The following KIAA0040 variants were observed in gnomAD, a reference collection of about 807,000 sequenced individuals.
KIAA0040 encodes the protein uncharacterized protein KIAA0040.
KIAA0040 carries 10 observed loss-of-function variants against 7.2 expected under a neutral mutation model. The observed-to-expected ratio is 1.38, with a 90% confidence interval of 0.85 to 2.34. The LOEUF (loss-of-function observed/expected upper bound fraction) is 2.34. Ranked by LOEUF, KIAA0040 falls within the 30% of genes most tolerant of loss-of-function variation. The pLI is 0.00. For synonymous variants in KIAA0040, 49 were observed against 40.1 expected (o/e 1.22, Z -0.84); for missense variants, 89 against 108.2 (o/e 0.82, Z 0.79).
At chr1:175,192,817 G>GCCCCCCCCCCC (rs1558405268), upstream of KIAA0040, 36 of 123,512 alleles carry the variant, frequency 2.9e-4, no homozygotes, top group South Asian at 5.6e-4. Context: ...CGTGGGAGCC[G>GCCCCCCCCCCC]CCCGCCCCGC....
At chr1:175,188,350 G>T (rs990139454) in intron 1 of KIAA0040, among the ~76,000 whole-genome samples, 2 of 152,192 alleles carry the variant, frequency 1.3e-5, no homozygotes, top group Non-Finnish European at 2.9e-5. Context: ...TGGCGGAAAA[G>T]CTAGAAACCT....
rs1676304029 is a variant in KIAA0040 at position 175,157,155 on chromosome 1, C to T, written c.*3559G>A. The stretch of plus-strand genomic sequence containing the variant: ...TAGAGGTTTTTGATCCCTCCTTTCC[C>T]AACAAACACTGGATTTAACTCAAAG... On this transcript the variant is annotated 3_prime_UTR_variant, in exon 4 of 4. Coordinates refer to ENST00000423313, the MANE Select transcript of KIAA0040 (RefSeq NM_014656.3). 1 of 152,170 alleles carries T rather than the reference C, an allele frequency of 6.6e-6. No individual in the cohort carries two copies. Among genetic ancestry groups the T allele is most frequent in the African/African-American group, 2.4e-5 (1 of 41,416 alleles). The allele number at this position is 152,170 out of a possible 1,614,324, so 9.4% of individuals were successfully genotyped here. A position where few individuals can be genotyped will look rare whatever the true frequency, so the allele number is the denominator to read the frequency against.
chr1:175,190,346 A>G lies in KIAA0040; in HGVS notation c.-384+2294T>C, dbSNP rs1335349238. 3.3e-5 allele frequency among the ~76,000 whole-genome samples: 5 copies of G among 152,342 alleles called. No homozygotes were observed. In the East Asian group the frequency reaches 9.6e-4, roughly 29 times the overall value. ...GACAAATACAAGACTCTTCAGCACC[A>G]ATGTGGTGCTACCACAGGCCTCTTT... On this transcript the variant is annotated intron_variant, in intron 1 of 3. Transcript: ENST00000423313.
intron 1 of KIAA0040, among the ~76,000 whole-genome samples, chr1:175,178,354 G>T (rs567692340): frequency 6.6e-6 from 1 of 152,332 alleles, no homozygotes; most frequent in South Asian, 2.1e-4. Flanking sequence ...GGCCTCTGGG[G>T]CTGGGAAGAG....
chr1:175,161,000 C>T lies in KIAA0040; in HGVS notation c.14G>A (p.Ser5Asn). 6.4e-7 allele frequency: 1 copy of T among 1,550,768 alleles called. No individual in the cohort carries two copies. The highest frequency in any genetic ancestry group is 1.4e-5 in the African/African-American group (1 of 73,128). The change falls in exon 4 of 4, where the codon AGT becomes AAT. Residue 5 changes from serine to asparagine, a missense_variant. Ser to Asn is a conservative substitution (Grantham distance 46). Transcript: ENST00000423313. MERI[S>N]AFFSSIWDTI... ...GTCCCAGATAGAGCTGAAGAAGGCACTGATTCTCTCCATGGTGCTTGGCTA... is the reference window on the plus strand; with the variant it reads ...GTCCCAGATAGAGCTGAAGAAGGCATTGATTCTCTCCATGGTGCTTGGCTA...
intron 2 of KIAA0040, among the ~76,000 whole-genome samples, chr1:175,175,221 C>A (rs911148741): frequency 6.6e-6 from 1 of 152,198 alleles, no homozygotes. Context: ...GTCTCCCACA[C>A]AGGTAGTAAT....
intron 3 of KIAA0040, among the ~76,000 whole-genome samples, chr1:175,165,352 A>G (rs1255538025): frequency 6.6e-6 from 1 of 152,248 alleles, no homozygotes; most frequent in Non-Finnish European, 1.5e-5. Context: ...ATGATTCAAT[A>G]TATTTAATGC....
chr1:175,176,015 A>C (rs568098589), intron 2 of KIAA0040, among the ~76,000 whole-genome samples: 1 of 152,370 alleles, frequency 6.6e-6, no homozygotes, highest in Non-Finnish European at 1.5e-5. Context: ...CCTAGAACTT[A>C]AAGTATAATA....
intron 2 of KIAA0040, among the ~76,000 whole-genome samples, chr1:175,169,464 G>A (rs930045847): frequency 4.6e-5 from 7 of 152,190 alleles, no homozygotes; most frequent in African/African-American, 1.7e-4. Context: ...AGTAGAAGTA[G>A]AGTGCCTCAG....
intron 1 of KIAA0040, among the ~76,000 whole-genome samples, chr1:175,181,041 A>G (rs905255034): frequency 9.2e-5 from 14 of 151,752 alleles, no homozygotes; most frequent in Non-Finnish European, 1.8e-4. Context: ...TAGTAGAGAC[A>G]GGGTCTTCCT....
chr1:175,187,212 A>T (rs115580373), intron 1 of KIAA0040, among the ~76,000 whole-genome samples: 2,369 of 152,344 alleles, frequency 0.016, 22 homozygotes, highest in Non-Finnish European at 0.026. Flanking sequence ...TATGCCTTAA[A>T]TTCTTAGCAC....
At chr1:175,175,179 A>G (rs1677137352) in intron 2 of KIAA0040, among the ~76,000 whole-genome samples, 2 of 152,358 alleles carry the variant, frequency 1.3e-5, no homozygotes, top group East Asian at 3.9e-4. Context: ...TTGAAAAAGC[A>G]TGAGAACGAC....
chr1:175,175,292 C>T (rs4651354), intron 2 of KIAA0040, among the ~76,000 whole-genome samples: 147,067 of 151,898 alleles, frequency 0.97, 71,201 homozygotes, highest in East Asian at 0.99. Flanking sequence ...TCATCACTGG[C>T]CATCAGAGAA....
At chr1:175,177,213 C>T (rs144220488) in intron 2 of KIAA0040, among the ~76,000 whole-genome samples, 1 of 152,322 alleles carries the variant, frequency 6.6e-6, no homozygotes, top group Non-Finnish European at 1.5e-5. Flanking sequence ...GCTTTATCTC[C>T]CATTAGCAGC....
At position 175,160,965 on chromosome 1, in the gene KIAA0040, T is replaced by TACAA; in HGVS notation, c.48_49insTTGT (p.Thr17LeufsTer62). The TACAA allele has an allele frequency of 6.4e-7, 1 of 1,551,480 alleles. No homozygotes were observed. The highest frequency in any genetic ancestry group is 1.2e-5 in the South Asian group (1 of 84,030). On this transcript the variant is annotated frameshift_variant, in exon 4 of 4. Transcript: ENST00000423313. LOFTEE classifies it high-confidence loss of function. ...TTGTAGATGCCTTCTTGGTGTTTGG[T>TACAA]CAAGATGGTGTCCCAGATAGAGCTG...
In KIAA0040 at chr1:175,157,287, A is replaced by G. The variant is rs1057302; in HGVS notation, c.*3427T>C. The G allele has an allele frequency of 0.37, 56,455 of 152,110 alleles. 11,210 individuals are homozygous for G. The highest frequency in any genetic ancestry group is 0.45 in the Non-Finnish European group (30,861 of 67,988). 9.4% of individuals were successfully genotyped at this position (152,110 alleles called of 1,614,324 possible). A position where few individuals can be genotyped will look rare whatever the true frequency, so the allele number is the denominator to read the frequency against. On this transcript the variant is annotated 3_prime_UTR_variant, in exon 4 of 4. Coordinates refer to ENST00000423313, the MANE Select transcript of KIAA0040 (RefSeq NM_014656.3). The stretch of plus-strand genomic sequence containing the variant: ...GTAAGTGTTGCCAAGGAACATCAGT[A>G]TATTTTTCCTGTAGCTGGCACCTTT...
At chr1:175,176,166 C>T (rs983260471) in intron 2 of KIAA0040, among the ~76,000 whole-genome samples, 1 of 152,118 alleles carries the variant, frequency 6.6e-6, no homozygotes, top group Admixed American at 6.5e-5. Context: ...GAGACATTTA[C>T]AGGCTGGAAT....
chr1:175,163,667 CT>C (rs1331558972), intron 3 of KIAA0040, among the ~76,000 whole-genome samples: 1 of 152,248 alleles, frequency 6.6e-6, no homozygotes, highest in Non-Finnish European at 1.5e-5. Flanking sequence ...GTCTGTGCCC[CT>C]GTCTGTTGGG....
chr1:175,177,076 A>G (rs987005433), intron 2 of KIAA0040, among the ~76,000 whole-genome samples: 4 of 152,090 alleles, frequency 2.6e-5, no homozygotes, highest in African/African-American at 9.7e-5. Flanking sequence ...CCCTCTGGAA[A>G]GCACTTAAGG....
Sources: allele counts gnomAD v4.1 joint callset (sites outside exome capture counted in the v4.1 genomes callset), GRCh38; gene constraint gnomAD v4.1.1; transcripts MANE v1.5; gene names NCBI Gene and HGNC (gene_info 2026-07-23, HGNC 2026-07-21).